Variants in GALK2 observed in about 807,000 individuals in gnomAD.
GALK2 encodes the protein N-acetylgalactosamine kinase.
Under a neutral mutation model 52.4 loss-of-function variants are expected in GALK2, and 36 were observed. That is an observed-to-expected ratio of 0.69 (90% CI 0.53 to 0.91). The LOEUF is 0.91. GALK2 is among the 40% of genes least tolerant of loss of function. GALK2 has a pLI of 0.00. For synonymous variants in GALK2, 176 were observed against 199.1 expected (o/e 0.88, Z 0.98); for missense variants, 579 against 559.1 (o/e 1.04, Z -0.36).
intron 5 of GALK2, among the ~76,000 whole-genome samples, chr15:49,260,158 A>T (rs1265689124): frequency 2.0e-5 from 3 of 152,288 alleles, no homozygotes; most frequent in Admixed American, 2.0e-4. Flanking sequence ...ATCGCCACAC[A>T]GACTTCCACA....
intron 8 of GALK2, among the ~76,000 whole-genome samples, chr15:49,316,883 C>G (rs2036465057): frequency 6.6e-6 from 1 of 152,136 alleles, no homozygotes; most frequent in South Asian, 2.1e-4. Flanking sequence ...CTCTTCCCTC[C>G]CATCTATTGC....
At chr15:49,190,751 T>G (rs1273012539) in intron 1 of GALK2, among the ~76,000 whole-genome samples, 1 of 152,194 alleles carries the variant, frequency 6.6e-6, no homozygotes, top group East Asian at 1.9e-4. Flanking sequence ...CAACCAGTCA[T>G]ACACTCCTGA....
At chr15:49,300,613 G>A (rs2035029700) in intron 8 of GALK2, among the ~76,000 whole-genome samples, 1 of 152,004 alleles carries the variant, frequency 6.6e-6, no homozygotes, top group Admixed American at 6.6e-5. Context: ...AGAGATCCTG[G>A]GAGGTAATTG....
intron 9 of GALK2, among the ~76,000 whole-genome samples, chr15:49,326,486 A>C (rs2037522943): frequency 6.6e-6 from 1 of 152,020 alleles, no homozygotes; most frequent in Non-Finnish European, 1.5e-5. Context: ...TCCTGACTTC[A>C]TGATCTGCCT....
At chr15:49,185,341 G>A (rs892571321) in intron 1 of GALK2, among the ~76,000 whole-genome samples, 5 of 152,106 alleles carry the variant, frequency 3.3e-5, no homozygotes, top group East Asian at 1.9e-4. Context: ...AGTATTACAG[G>A]GTGTTTATGT....
At chr15:49,266,827 A>G (rs896320545) in intron 5 of GALK2, among the ~76,000 whole-genome samples, 5 of 152,122 alleles carry the variant, frequency 3.3e-5, no homozygotes, top group Non-Finnish European at 7.4e-5. Context: ...TAATAGTTGG[A>G]GGTAGAGTGC....
intron 3 of GALK2, among the ~76,000 whole-genome samples, chr15:49,355,204 C>T (rs957858173): frequency 6.6e-6 from 1 of 152,148 alleles, no homozygotes. Flanking sequence ...CAAAGGAACG[C>T]AGTTCCTCAC....
intron 3 of GALK2, among the ~76,000 whole-genome samples, chr15:49,355,998 T>C (rs938277614): frequency 4.0e-5 from 6 of 151,344 alleles, no homozygotes; most frequent in Non-Finnish European, 5.9e-5. Context: ...CTAAGCTTCA[T>C]AAGTGAAGGA....
intron 3 of GALK2, among the ~76,000 whole-genome samples, chr15:49,346,253 C>T (rs1043196341): frequency 6.6e-6 from 1 of 152,178 alleles, no homozygotes; most frequent in Admixed American, 6.5e-5. Context: ...CGCAAGTGCG[C>T]AACAAATGGC....
intron 2 of GALK2, among the ~76,000 whole-genome samples, chr15:49,209,391 G>A (rs1479935436): frequency 2.0e-5 from 3 of 152,078 alleles, no homozygotes; most frequent in Non-Finnish European, 2.9e-5. Flanking sequence ...GTGAAATTGG[G>A]TATGCTTGTC....
chr15:49,317,002 TG>T (rs2036476297), intron 8 of GALK2, among the ~76,000 whole-genome samples: 1 of 152,174 alleles, frequency 6.6e-6, no homozygotes, highest in Admixed American at 6.5e-5. Context: ...AGAGTAGGAC[TG>T]GGGTGTAAAC....
intron 1 of GALK2, 75 bp downstream of exon 1, chr15:49,170,450 T>A: frequency 6.8e-7 from 1 of 1,463,302 alleles, no homozygotes; most frequent in Non-Finnish European, 9.3e-7. Context: ...AGCACTTGGC[T>A]CCTCCCTTGG....
chr15:49,192,485 G>GTGTATATATATATATA (rs1360198549), intron 1 of GALK2, among the ~76,000 whole-genome samples: 9 of 102,972 alleles, frequency 8.7e-5, no homozygotes, highest in African/African-American at 2.0e-4. Context: ...ATATATATAT[G>GTGTATATATATATATA]TATATATATA....
chr15:49,260,895 C>T (rs982573054), intron 5 of GALK2, among the ~76,000 whole-genome samples: 1 of 152,078 alleles, frequency 6.6e-6, no homozygotes, highest in Admixed American at 6.5e-5. Flanking sequence ...GGTGTTATTT[C>T]TGAGGGCTCT....
At chr15:49,170,141 A>G, upstream of GALK2, 1 of 1,391,974 alleles carries the variant, frequency 7.2e-7, no homozygotes, top group Non-Finnish European at 9.5e-7. Context: ...GAGTCCAGGG[A>G]GGAGGAGCCA....
upstream of GALK2, among the ~76,000 whole-genome samples, chr15:49,166,024 G>A (rs1242453030): frequency 6.6e-6 from 1 of 151,988 alleles, no homozygotes; most frequent in African/African-American, 2.4e-5. Flanking sequence ...GGATGGTCTC[G>A]ATCTCCCGAC....
chr15:49,280,823 G>A (rs1321746298), intron 5 of GALK2, among the ~76,000 whole-genome samples: 1 of 151,966 alleles, frequency 6.6e-6, no homozygotes, highest in African/African-American at 2.4e-5. Context: ...ACTCCATGAT[G>A]AAGAAAGATT....
At chr15:49,174,546 A>C (rs532209) in intron 1 of GALK2, among the ~76,000 whole-genome samples, 41,808 of 151,898 alleles carry the variant, frequency 0.28, 6,250 homozygotes, top group East Asian at 0.43. Flanking sequence ...GGGTTTCACT[A>C]TGTTGGCCGG....
chr15:49,220,058 CTTTTTTTTTTTT>C (rs34707025), intron 3 of GALK2, among the ~76,000 whole-genome samples: 1 of 92,750 alleles, frequency 1.1e-5, no homozygotes, highest in South Asian at 3.9e-4. Context: ...AGATACAAGT[CTTTTTTTTTTTT>C]TTTTTTTTGA....
Sources: gnomAD v4.1 joint callset for allele counts (sites outside exome capture counted in the v4.1 genomes callset) on GRCh38, gnomAD v4.1.1 for gene constraint, MANE v1.5 for transcripts, NCBI Gene and HGNC (gene_info 2026-07-23, HGNC 2026-07-21) for gene names.